Variants in NBEAL1 observed in about 807,000 individuals in gnomAD.
NBEAL1 encodes the protein neurobeachin like 1.
NBEAL1 carries 273 observed loss-of-function variants against 351.3 expected under a neutral mutation model. That is an observed-to-expected ratio of 0.78 (90% CI 0.70 to 0.86). The LOEUF is 0.86. Ranked by LOEUF, NBEAL1 falls within the 40% of genes least tolerant of loss-of-function variation. The probability of loss-of-function intolerance (pLI) is 0.00; values close to 1 mark genes in which losing one functional copy is unlikely to be tolerated. For missense variants in NBEAL1, 2,961 were observed against 3,201.3 expected (o/e 0.92, Z 1.81); for synonymous variants, 1,050 against 1,086.4 (o/e 0.97, Z 0.66).
Position 203,125,416 on chromosome 2 carries a change from T to G in NBEAL1, c.2747T>G (p.Phe916Cys). 1 of 1,548,666 alleles carries G rather than the reference T, an allele frequency of 6.5e-7. No homozygotes were observed. The highest frequency in any genetic ancestry group is 8.7e-7 in the Non-Finnish European group (1 of 1,145,558). Residue 916 changes from phenylalanine to cysteine, a missense_variant, in exon 20 of 56, where the codon TTT becomes TGT. By Grantham distance (205) the Phe-to-Cys change is radical (BLOSUM62 -2). Transcript: ENST00000683969. ...LFPLLEQISH[F>C]SEGQIPEEKN... ...CCTTTATTGGAACAAATCAGCCACT[T>G]TAGTGAAGGACAGATTCCTGAAGAA...
Position 203,210,940 on chromosome 2 carries a change from T to G in NBEAL1, c.7786-18T>G, listed in dbSNP as rs2065770797. On this transcript the variant is annotated intron_variant, in intron 53 of 55. Coordinates refer to ENST00000683969, the MANE Select transcript of NBEAL1 (RefSeq NM_001378026.1). The stretch of plus-strand genomic sequence containing the variant: ...AGTTTTTATTTGAAATTGTTGAATT[T>G]TCCTTAATTCTTTTCAGGATAAGAA... 1.2e-5 allele frequency: 18 copies of G among 1,489,220 alleles called. No individual in the cohort carries two copies. Among genetic ancestry groups the G allele is most frequent in the Non-Finnish European group, 1.5e-5 (16 of 1,102,590 alleles). The allele number at this position is 1,489,220 out of a possible 1,614,324, so 92.3% of individuals were successfully genotyped here.
In NBEAL1 at chr2:203,050,633, C is replaced by T. The variant is rs542846553; in HGVS notation, c.305+658C>T. Among the ~76,000 whole-genome samples the T allele has an allele frequency of 3.3e-5, 5 of 152,168 alleles. No individual in the cohort carries two copies. The East Asian group carries it at 9.6e-4, about 29-fold the overall frequency. On this transcript the variant is annotated intron_variant, in intron 4 of 55. Coordinates refer to ENST00000683969, the MANE Select transcript of NBEAL1 (RefSeq NM_001378026.1). ...TTTTATCAAATAAAGTATAATTATCCTGTAGGTTATCATATTTCCCACATT... is the reference window on the plus strand; with the variant it reads ...TTTTATCAAATAAAGTATAATTATCTTGTAGGTTATCATATTTCCCACATT...
At position 203,135,997 on chromosome 2, in the gene NBEAL1, T is replaced by C. The variant is rs1200682040; in HGVS notation, c.4134T>C (p.Ser1378=). The change falls in exon 28 of 56, where the codon TCT becomes TCC. Residue 1378 remains serine, a synonymous_variant. Coordinates refer to ENST00000683969, the MANE Select transcript of NBEAL1 (RefSeq NM_001378026.1). ...CACCATTATTTCCAGAAGATAGCTC[T>C]GTGGGAGAATTGTCTTTCAAATCAG... is the stretch of plus-strand genomic sequence containing the variant. The part of the protein sequence containing the change: ...SNTPLFPEDS[S]VGELSFKSEN... The C allele has an allele frequency of 3.1e-6, 5 of 1,613,596 alleles. No individual in the cohort carries two copies. Among genetic ancestry groups the C allele is most frequent in the African/African-American group, 1.3e-5 (1 of 74,932 alleles).
At chr2:203,167,622 A>T (rs1161937644) in intron 38 of NBEAL1, among the ~76,000 whole-genome samples, 1 of 152,236 alleles carries the variant, frequency 6.6e-6, no homozygotes, top group Non-Finnish European at 1.5e-5. Context: ...GTGATGTAAT[A>T]TACAATATGT....
rs1223062709 is a variant in NBEAL1 at position 203,166,254 on chromosome 2, T to A, written c.5820T>A (p.Thr1940=). The change falls in exon 37 of 56, where the codon ACT becomes ACA. Residue 1940 remains threonine, a synonymous_variant. Transcript: ENST00000683969. ...DVIPGRLEIT[T]QHIYFYDGSI... is the part of the protein sequence containing the mutation. ...TTCCTGGCAGATTAGAAATCACTAC[T>A]CAACACATTTACTTCTATGATGGCA... 1.9e-6 allele frequency: 3 copies of A among 1,611,958 alleles called. No homozygotes were observed. The Admixed American group carries it at 5.0e-5, about 27-fold the overall frequency.
chr2:203,183,880 T>A lies in NBEAL1; in HGVS notation c.6705+492T>A, dbSNP rs1559045678. ...TCACCTGAGGTCAGGAGTTCGGAGA[T>A]CAACCTGGCCAACATGGTGAAACCT... On this transcript the variant is annotated intron_variant, in intron 44 of 55. Coordinates refer to ENST00000683969, the MANE Select transcript of NBEAL1 (RefSeq NM_001378026.1). Among the ~76,000 whole-genome samples, 2 of 150,224 alleles carry A rather than the reference T, an allele frequency of 1.3e-5. 1 individual carries two copies. Among genetic ancestry groups the A allele is most frequent in the Admixed American group, 1.3e-4 (2 of 15,074 alleles).
intron 18 of NBEAL1, among the ~76,000 whole-genome samples, chr2:203,119,284 C>T (rs547619046): frequency 2.0e-5 from 3 of 151,660 alleles, no homozygotes; most frequent in African/African-American, 4.8e-5. Flanking sequence ...ACTCCCACCC[C>T]ATTTTTTGAT....
At chr2:203,173,471 A>G (rs2064386072) in intron 41 of NBEAL1, among the ~76,000 whole-genome samples, 1 of 152,156 alleles carries the variant, frequency 6.6e-6, no homozygotes, top group African/African-American at 2.4e-5. Flanking sequence ...TTGAATTCTA[A>G]TAATAAGGAC....
chr2:203,096,246 A>G (rs1422081184), intron 10 of NBEAL1, among the ~76,000 whole-genome samples: 1 of 152,200 alleles, frequency 6.6e-6, no homozygotes, highest in East Asian at 1.9e-4. Flanking sequence ...ATTCAAACTC[A>G]GGTCTCTGAT....
chr2:203,193,523 G>T (rs1258320634), intron 46 of NBEAL1, among the ~76,000 whole-genome samples: 1 of 151,990 alleles, frequency 6.6e-6, no homozygotes, highest in African/African-American at 2.4e-5. Context: ...TAAATTATTT[G>T]CCAAGGAAAA....
intron 2 of NBEAL1, among the ~76,000 whole-genome samples, chr2:203,031,237 T>A (rs1327922656): frequency 6.6e-6 from 1 of 152,252 alleles, no homozygotes; most frequent in Non-Finnish European, 1.5e-5. Flanking sequence ...CACACATGTA[T>A]TTCCTTTTCA....
rs1245916827 is a variant in NBEAL1, at chr2:203,083,318, G to C, written c.784G>C (p.Gly262Arg). The C allele has an allele frequency of 2.6e-6, 4 of 1,553,404 alleles. No homozygotes were observed. The highest frequency in any genetic ancestry group is 2.0e-5 in the Admixed American group (1 of 50,992). The change falls in exon 9 of 56, where the codon GGT becomes CGT. Residue 262 changes from glycine to arginine, a missense_variant. By Grantham distance (125) the Gly-to-Arg change is moderately radical. Transcript: ENST00000683969. ...SWEDGDPEEV[G>R]RKAELTLKCL... is the part of the protein sequence containing the mutation. Reference sequence around the variant, plus strand: ...GGAGGATGGAGATCCTGAAGAAGTGGGTAGGAAGGCAGAACTAACTCTGAA... The same window carrying C: ...GGAGGATGGAGATCCTGAAGAAGTGCGTAGGAAGGCAGAACTAACTCTGAA...
Position 203,113,463 on chromosome 2 carries a change from C to T in NBEAL1, c.2506+145C>T. On this transcript the variant is annotated intron_variant, in intron 17 of 55. Coordinates refer to ENST00000683969, the MANE Select transcript of NBEAL1 (RefSeq NM_001378026.1). ...AAGAGTGTATTTGTTTTAATTGAAGCTGAAAGGGAAGAAAAAGCCCCTCCA... is the reference window on the plus strand; with the variant it reads ...AAGAGTGTATTTGTTTTAATTGAAGTTGAAAGGGAAGAAAAAGCCCCTCCA... The T allele has an allele frequency of 5.5e-6, 3 of 541,572 alleles. 1 individual carries two copies. Among genetic ancestry groups the T allele is most frequent in the Non-Finnish European group, 8.4e-6 (3 of 358,124 alleles). The allele number at this position is 541,572 out of a possible 1,614,324, so 33.5% of individuals were successfully genotyped here.
chr2:203,039,234 C>T (rs1485670207), intron 2 of NBEAL1, among the ~76,000 whole-genome samples: 1 of 51,256 alleles, frequency 2.0e-5, no homozygotes, highest in Admixed American at 1.9e-4. Flanking sequence ...CCCTTCCCTT[C>T]CCTTCCCTTC....
intron 21 of NBEAL1, 122 bp downstream of exon 21, chr2:203,126,215 A>G: frequency 9.6e-7 from 1 of 1,041,530 alleles, no homozygotes; most frequent in Non-Finnish European, 1.4e-6. Flanking sequence ...ATATTAATGG[A>G]TATAATTTGT....
At chr2:203,177,759 C>T (rs949995116) in intron 42 of NBEAL1, among the ~76,000 whole-genome samples, 3 of 152,142 alleles carry the variant, frequency 2.0e-5, no homozygotes, top group Non-Finnish European at 4.4e-5. Flanking sequence ...TGGCTCACAC[C>T]TATAATCCCA....
chr2:203,138,312 G>T lies in NBEAL1; in HGVS notation c.4716G>T (p.Glu1572Asp). The T allele has an allele frequency of 6.2e-7, 1 of 1,610,264 alleles. No homozygotes were observed. The highest frequency in any genetic ancestry group is 8.5e-7 in the Non-Finnish European group (1 of 1,179,110). Residue 1572 changes from glutamate to aspartate, a missense_variant, in exon 30 of 56, where the codon GAG becomes GAT. Physicochemically the swap from Glu to Asp is conservative, Grantham distance 45. Coordinates refer to ENST00000683969, the MANE Select transcript of NBEAL1 (RefSeq NM_001378026.1). The part of the protein sequence containing the change: ...EGLVNSNMWT[E>D]KLLEDMMLLF... ...TAGTTAATTCAAACATGTGGACCGAGAAGGTGCAGTAATATCTCTTTAAAA... is the reference window on the plus strand; with the variant it reads ...TAGTTAATTCAAACATGTGGACCGATAAGGTGCAGTAATATCTCTTTAAAA...
intron 8 of NBEAL1, among the ~76,000 whole-genome samples, chr2:203,081,913 C>T (rs1279467595): frequency 6.6e-6 from 1 of 152,172 alleles, no homozygotes; most frequent in African/African-American, 2.4e-5. Context: ...CGAGCCTGGG[C>T]AACACAGGGA....
chr2:203,079,599 C>T (rs1176547130), intron 8 of NBEAL1, among the ~76,000 whole-genome samples: 1 of 151,928 alleles, frequency 6.6e-6, no homozygotes, highest in Non-Finnish European at 1.5e-5. Context: ...TTTTTTCTTT[C>T]ACATTAAACA....
Sources: allele counts gnomAD v4.1 joint callset (sites outside exome capture counted in the v4.1 genomes callset), GRCh38; gene constraint gnomAD v4.1.1; transcripts MANE v1.5; gene names NCBI Gene and HGNC (gene_info 2026-07-23, HGNC 2026-07-21).